The following RAPGEF5 variants were observed in gnomAD, a reference collection of about 807,000 sequenced individuals.
The protein encoded by RAPGEF5 is Rap guanine nucleotide exchange factor 5, also known as M-Ras-regulated GEF.
Under a neutral mutation model 125.2 loss-of-function variants are expected in RAPGEF5, and 65 were observed. The ratio of observed to expected loss-of-function variants is 0.52; its 90% CI spans 0.43 to 0.64. The LOEUF (loss-of-function observed/expected upper bound fraction) is 0.64, where lower values mean the gene tolerates loss of function less well. Among genes scored for constraint, RAPGEF5 ranks in the 30% least tolerant of loss-of-function variants. The pLI, the probability that RAPGEF5 is intolerant of heterozygous loss-of-function variation, is 0.00. For synonymous variants in RAPGEF5, 391 were observed against 385.9 expected, an observed-to-expected ratio of 1.01 and a Z score of -0.16; for missense variants, 958 against 1,048.1, an observed-to-expected ratio of 0.91 and a Z score of 1.19.
intron 17 of RAPGEF5, among the ~76,000 whole-genome samples, chr7:22,152,505 T>A (rs1783660077): frequency 6.6e-6 from 1 of 152,226 alleles, no homozygotes; most frequent in South Asian, 2.1e-4. Flanking sequence ...AGATTAAAAC[T>A]GATAGAATTT....
intron 11 of RAPGEF5, among the ~76,000 whole-genome samples, chr7:22,191,141 G>A (rs545450603): frequency 8.5e-4 from 130 of 152,224 alleles, no homozygotes; most frequent in African/African-American, 3.1e-3. Flanking sequence ...AAGGGGTCCT[G>A]TTACTTTGAA....
At chr7:22,208,474 ACTGT>A (rs1490136708) in intron 9 of RAPGEF5, among the ~76,000 whole-genome samples, 1 of 152,154 alleles carries the variant, frequency 6.6e-6, no homozygotes, top group East Asian at 1.9e-4. Context: ...TGGTGGAGAA[ACTGT>A]CTGATCAGCT....
intron 17 of RAPGEF5, among the ~76,000 whole-genome samples, chr7:22,153,334 A>C (rs1358298716): frequency 6.6e-6 from 1 of 152,214 alleles, no homozygotes; most frequent in Non-Finnish European, 1.5e-5. Flanking sequence ...TACATTTATC[A>C]TACCAATTTG....
At chr7:22,211,701 T>C (rs913302572) in intron 9 of RAPGEF5, among the ~76,000 whole-genome samples, 3 of 152,082 alleles carry the variant, frequency 2.0e-5, no homozygotes, top group South Asian at 4.1e-4. Flanking sequence ...TGTTCCCACA[T>C]TGCAACGGAG....
chr7:22,285,715 T>C (rs537732571), intron 6 of RAPGEF5, among the ~76,000 whole-genome samples: 87 of 152,284 alleles, frequency 5.7e-4, no homozygotes, highest in Middle Eastern at 6.8e-3. Context: ...ATGACTGAAG[T>C]TTCAGGTGAA....
At chr7:22,323,203 TA>T (rs1783750674) in intron 1 of RAPGEF5, among the ~76,000 whole-genome samples, 1 of 152,258 alleles carries the variant, frequency 6.6e-6, no homozygotes, top group Admixed American at 6.5e-5. Context: ...TCTACCCTTT[TA>T]ATGGCATCCA....
intron 17 of RAPGEF5, 81 bp downstream of exon 17, chr7:22,154,374 T>C: frequency 6.6e-7 from 1 of 1,507,388 alleles, no homozygotes; most frequent in African/African-American, 1.4e-5. Context: ...GAGCTGCACT[T>C]TTACTCTACA....
intron 11 of RAPGEF5, chr7:22,191,773 T>C: frequency 9.6e-6 from 4 of 418,106 alleles, no homozygotes; most frequent in South Asian, 7.0e-5. Context: ...AGTGGGAACC[T>C]GTGAGCACCT....
chr7:22,137,126 C>T (rs1783104538), intron 21 of RAPGEF5, 143 bp from the exon 22 acceptor site: 3 of 643,466 alleles, frequency 4.7e-6, no homozygotes, highest in Admixed American at 2.9e-5. Flanking sequence ...ATCCTGATTG[C>T]TTCTCATTAT....
At chr7:22,178,136 T>A (rs374594565) in intron 11 of RAPGEF5, among the ~76,000 whole-genome samples, 14 of 152,182 alleles carry the variant, frequency 9.2e-5, no homozygotes, top group African/African-American at 2.9e-4. Flanking sequence ...AGGACTGAAA[T>A]GGTCCACAAA....
At chr7:22,147,469 G>C in intron 18 of RAPGEF5, among the ~76,000 whole-genome samples, 1 of 152,216 alleles carries the variant, frequency 6.6e-6, no homozygotes, top group East Asian at 1.9e-4. Flanking sequence ...AATACGTTTA[G>C]CAAGTCTCAT....
chr7:22,285,478 TA>T (rs758963770), intron 6 of RAPGEF5, among the ~76,000 whole-genome samples: 1 of 152,226 alleles, frequency 6.6e-6, no homozygotes, highest in Non-Finnish European at 1.5e-5. Flanking sequence ...AGTATCAATT[TA>T]AAAGTTTCCA....
At chr7:22,210,827 G>A (rs1264677731) in intron 9 of RAPGEF5, among the ~76,000 whole-genome samples, 1 of 151,916 alleles carries the variant, frequency 6.6e-6, no homozygotes, top group Non-Finnish European at 1.5e-5. Flanking sequence ...GGGAAATGCT[G>A]GAAAAAGAGG....
At chr7:22,356,705 G>A (rs1784427121) in intron 1 of RAPGEF5, 125 bp downstream of exon 1, 1 of 438,950 alleles carries the variant, frequency 2.3e-6, no homozygotes, top group East Asian at 9.1e-5. Context: ...AGCCGAGTCC[G>A]GCAGAAGGGC....
chr7:22,270,203 C>A (rs187986334), intron 6 of RAPGEF5, among the ~76,000 whole-genome samples: 35 of 152,282 alleles, frequency 2.3e-4, no homozygotes, highest in African/African-American at 8.2e-4. Flanking sequence ...TGTGCCTGCA[C>A]TGAATAAAAG....
intron 25 of RAPGEF5, among the ~76,000 whole-genome samples, chr7:22,123,977 C>T (rs1218515826): frequency 6.6e-6 from 1 of 152,128 alleles, no homozygotes; most frequent in Non-Finnish European, 1.5e-5. Flanking sequence ...TCATATAAAC[C>T]GTTAAAATGA....
Position 22,150,513 on chromosome 7 carries a change from G to GAAAAAAAAAAAAAA in RAPGEF5, c.1787-23_1787-10dup. On this transcript the variant is annotated splice_polypyrimidine_tract_variant and intron_variant, in intron 17 of 25. Coordinates refer to ENST00000665637, the MANE Select transcript of RAPGEF5 (RefSeq NM_012294.5). The stretch of plus-strand genomic sequence containing the variant: ...CTGAAGTTCATGCTTTTCTTTATTT[G>GAAAAAAAAAAAAAA]AAAAAAAAAAAAAAAAAAGGAATAA... The GAAAAAAAAAAAAAA allele has an allele frequency of 7.4e-7, 1 of 1,352,486 alleles. No homozygotes were observed. 83.8% of individuals were successfully genotyped at this position (1,352,486 alleles called of 1,614,324 possible).
At chr7:22,152,498 T>C (rs1020151666) in intron 17 of RAPGEF5, among the ~76,000 whole-genome samples, 1 of 152,210 alleles carries the variant, frequency 6.6e-6, no homozygotes, top group Non-Finnish European at 1.5e-5. Context: ...ATATGAAAGA[T>C]TAAAACTGAT....
intron 1 of RAPGEF5, among the ~76,000 whole-genome samples, chr7:22,325,515 A>G (rs1472293175): frequency 1.3e-5 from 2 of 152,174 alleles, no homozygotes; most frequent in African/African-American, 4.8e-5. Flanking sequence ...GTGTGCATAC[A>G]GAGCTAGCTG....
Sources: allele counts gnomAD v4.1 joint callset (sites outside exome capture counted in the v4.1 genomes callset), GRCh38; gene constraint gnomAD v4.1.1; transcripts MANE v1.5; gene names NCBI Gene and HGNC (gene_info 2026-07-23, HGNC 2026-07-21).